FDPS: variants seen among roughly 807,000 people sequenced by gnomAD.
FDPS encodes the protein farnesyl diphosphate synthase, also known as farnesyl pyrophosphate synthase.
FDPS carries 29 observed loss-of-function variants against 49.5 expected under a neutral mutation model. The ratio of observed to expected loss-of-function variants is 0.59; its 90% CI spans 0.44 to 0.80. The LOEUF (loss-of-function observed/expected upper bound fraction) is 0.80, where lower values mean the gene tolerates loss of function less well. Ranked by LOEUF, FDPS falls within the 30% of genes least tolerant of loss-of-function variation. The pLI, the probability that FDPS is intolerant of heterozygous loss-of-function variation, is 0.00. For missense variants in FDPS, 414 were observed against 525.6 expected (o/e 0.79, Z 2.08); for synonymous variants, 172 against 206.4 (o/e 0.83, Z 1.43).
chr1:155,312,463 G>GTTGGT, intron 4 of FDPS, 68 bp downstream of exon 4: 1 of 1,233,010 alleles, frequency 8.1e-7, no homozygotes, highest in Non-Finnish European at 1.2e-6. Context: ...GAAGGGGAGG[G>GTTGGT]ATGGGCCTGA....
intron 8 of FDPS, 127 bp downstream of exon 8, chr1:155,319,055 C>G: frequency 4.3e-6 from 3 of 705,572 alleles, no homozygotes. Context: ...AAGTCGGTCT[C>G]GCTCAGTCTC....
At chr1:155,315,654 G>A (rs1273274466) in intron 4 of FDPS, among the ~76,000 whole-genome samples, 1 of 151,934 alleles carries the variant, frequency 6.6e-6, no homozygotes, top group South Asian at 2.1e-4. Flanking sequence ...CTGCACTCCA[G>A]CCTGGGCAAC....
At position 155,320,390 on chromosome 1, in the gene FDPS, G is replaced by T. The variant is rs199989847; in HGVS notation, c.1060-19G>T. 5 of 1,607,284 alleles carry T rather than the reference G, an allele frequency of 3.1e-6. No individual in the cohort carries two copies. Among genetic ancestry groups the T allele is most frequent in the Non-Finnish European group, 4.2e-6 (5 of 1,177,018 alleles). On this transcript the variant is annotated intron_variant, in intron 10 of 10. Coordinates refer to ENST00000368356, the MANE Select transcript of FDPS (RefSeq NM_002004.4). ...TGGGGAAGGCCAAGCCCGTTTTCCT[G>T]TCTTTCAACCTCTTCCAGGAAAATT... is the stretch of plus-strand genomic sequence containing the variant.
intron 3 of FDPS, 33 bp from the exon 4 acceptor site, chr1:155,312,222 C>A (rs778927797): frequency 6.2e-7 from 1 of 1,612,118 alleles, no homozygotes; most frequent in South Asian, 1.1e-5. Flanking sequence ...TGTATGGACC[C>A]TGATACCCTG....
Position 155,309,960 on chromosome 1 carries a change from AC to A in FDPS, c.173del (p.Pro58LeufsTer10), listed in dbSNP as rs1407642772. ...GCTGGTGCCAAGCGTGGACAGAGGA[AC>A]CTCGGTGAGTGTGGTTGGGGTGAGG... ...RCWCQAWTEEPRALCSSLRMN... is the reference protein window; with the variant it reads ...RCWCQAWTEEXRALCSSLRMN... On this transcript the variant is annotated frameshift_variant, in exon 2 of 11. Coordinates refer to ENST00000368356, the MANE Select transcript of FDPS (RefSeq NM_002004.4). LOFTEE classifies it high-confidence loss of function. The A allele has an allele frequency of 6.2e-7, 1 of 1,607,546 alleles. No individual in the cohort carries two copies. Among genetic ancestry groups the A allele is most frequent in the Non-Finnish European group, 8.5e-7 (1 of 1,175,428 alleles).
At position 155,312,257 on chromosome 1, in the gene FDPS, C is replaced by G. The variant is rs1648875223; in HGVS notation, c.342C>G (p.Val114=). 6.2e-7 allele frequency: 1 copy of G among 1,613,702 alleles called. No individual in the cohort carries two copies. The highest frequency in any genetic ancestry group is 8.5e-7 in the Non-Finnish European group (1 of 1,179,980). ...IGDAIARLKE[V]LEYNAIGGKY... Reference sequence around the variant, plus strand: ...GTACCTCTTTCCTTGCCCTCCAGGTCCTGGAGTACAATGCCATTGGAGGCA... The same window carrying G: ...GTACCTCTTTCCTTGCCCTCCAGGTGCTGGAGTACAATGCCATTGGAGGCA... Residue 114 remains valine (V), a splice_region_variant and synonymous_variant, in exon 4 of 11, where the codon GTC becomes GTG. Transcript: ENST00000368356.
chr1:155,313,673 C>G (rs1196143098), intron 4 of FDPS, among the ~76,000 whole-genome samples: 1 of 151,760 alleles, frequency 6.6e-6, no homozygotes, highest in Non-Finnish European at 1.5e-5. Flanking sequence ...CCCTGGATGA[C>G]AGGGATGCTG....
chr1:155,310,333 CAG>C, intron 3 of FDPS, 128 bp downstream of exon 3: 5 of 764,940 alleles, frequency 6.5e-6, no homozygotes, highest in South Asian at 1.9e-5. Context: ...TTTTTTGAGA[CAG>C]AGCCTTGCTC....
intron 3 of FDPS, 101 bp downstream of exon 3, chr1:155,310,306 G>T: frequency 6.0e-6 from 6 of 994,346 alleles, no homozygotes; most frequent in South Asian, 1.6e-5. Context: ...ACAGATGTGA[G>T]AGAAAGCTTT....
rs772144454 is a variant in FDPS, at chr1:155,319,624, G to T, written c.860G>T (p.Gly287Val). 1.9e-6 allele frequency: 3 copies of T among 1,614,196 alleles called. No individual in the cohort carries two copies. The highest frequency in any genetic ancestry group is 2.5e-6 in the Non-Finnish European group (3 of 1,180,054). The stretch of plus-strand genomic sequence containing the variant: ...CTTTCCCTGCAGGCAGGAATTGATG[G>T]CGAGAAGGAGCACGCCAATGCCAAG... ...AAAMYMAGID[G>V]EKEHANAKKI... Residue 287 changes from glycine (G) to valine (V), a missense_variant, in exon 9 of 11, where the codon GGC becomes GTC. Coordinates refer to ENST00000368356, the MANE Select transcript of FDPS (RefSeq NM_002004.4).
At chr1:155,309,611 CT>C (rs1648568172) in intron 1 of FDPS, 177 bp from the exon 2 acceptor site, 4 of 541,694 alleles carry the variant, frequency 7.4e-6, no homozygotes, top group Non-Finnish European at 1.3e-5. Flanking sequence ...CCCAGCCATA[CT>C]TTTTTGTTCC....
rs1423217995 is a variant in FDPS at position 155,319,599 on chromosome 1, C to A, written c.847-12C>A. 2.5e-6 allele frequency: 4 copies of A among 1,613,780 alleles called. No individual in the cohort carries two copies. In the East Asian group the frequency reaches 8.9e-5, roughly 36 times the overall value. On this transcript the variant is annotated splice_polypyrimidine_tract_variant and intron_variant, in intron 8 of 10. Coordinates refer to ENST00000368356, the MANE Select transcript of FDPS (RefSeq NM_002004.4). ...CCTGGGGTTTGGCTTATTAACCCCCCTTTCCCTGCAGGCAGGAATTGATGG... is the reference window on the plus strand; with the variant it reads ...CCTGGGGTTTGGCTTATTAACCCCCATTTCCCTGCAGGCAGGAATTGATGG...
chr1:155,316,821 G>A (rs1440072025), intron 4 of FDPS: 1 of 151,950 alleles, frequency 6.6e-6, no homozygotes, highest in African/African-American at 2.4e-5. Flanking sequence ...GCTATTTAAG[G>A]AACCAAAACA....
intron 2 of FDPS, 26 bp downstream of exon 2, chr1:155,309,991 T>C: frequency 6.2e-7 from 1 of 1,611,276 alleles, no homozygotes; most frequent in Non-Finnish European, 8.5e-7. Flanking sequence ...GTGAGGGGCC[T>C]TGGGGAGGGG....
chr1:155,317,721 A>G (rs903581817), intron 4 of FDPS: 1 of 501,002 alleles, frequency 2.0e-6, no homozygotes, highest in African/African-American at 1.9e-5. Flanking sequence ...GTATGTGCCT[A>G]TGGTCTCAGG....
At chr1:155,311,473 A>G (rs1648792602) in intron 3 of FDPS, among the ~76,000 whole-genome samples, 1 of 152,022 alleles carries the variant, frequency 6.6e-6, no homozygotes, top group Non-Finnish European at 1.5e-5. Context: ...CTGACTTTGG[A>G]GAGGCTTTGT....
At chr1:155,316,429 G>A (rs1422153734) in intron 4 of FDPS, among the ~76,000 whole-genome samples, 1 of 152,104 alleles carries the variant, frequency 6.6e-6, no homozygotes, top group East Asian at 1.9e-4. Context: ...TCCAACTTGG[G>A]CAACATGACA....
At chr1:155,309,094 G>C (rs926374231) in intron 1 of FDPS, 129 bp downstream of exon 1, 1 of 152,404 alleles carries the variant, frequency 6.6e-6, no homozygotes, top group East Asian at 1.9e-4. Context: ...GGCTAGACTG[G>C]CTGGCCTTCT....
At position 155,318,617 on chromosome 1, in the gene FDPS, G is replaced by A. The variant is rs373733046; in HGVS notation, c.685-48G>A. On this transcript the variant is annotated intron_variant, in intron 6 of 10. Transcript: ENST00000368356. The surrounding 1 kb of genome is among the most constrained non-coding windows in gnomAD (Gnocchi z 4.2). The stretch of plus-strand genomic sequence containing the variant: ...GTTGGGCTTGGGATACCAGGGTTTC[G>A]CATATCTGGAGAAAGCCTGGCTCAT... 5.6e-5 allele frequency: 79 copies of A among 1,410,286 alleles called. No individual in the cohort carries two copies. The Middle Eastern group carries it at 1.1e-3, about 20-fold the overall frequency. 87.4% of individuals were successfully genotyped at this position (1,410,286 alleles called of 1,614,324 possible). A position where few individuals can be genotyped will look rare whatever the true frequency, so the allele number is the denominator to read the frequency against.
Sources: gnomAD v4.1 joint callset for allele counts (sites outside exome capture counted in the v4.1 genomes callset) on GRCh38, gnomAD v4.1.1 for gene constraint, Gnocchi (gnomAD v3.1) non-coding constraint, MANE v1.5 for transcripts, NCBI Gene and HGNC (gene_info 2026-07-23, HGNC 2026-07-21) for gene names.